COL10A1: variants seen among roughly 807,000 people sequenced by gnomAD.
COL10A1 encodes collagen alpha-1(X) chain.
Under a neutral mutation model 18.2 loss-of-function variants are expected in COL10A1, and 10 were observed. The observed-to-expected ratio is 0.55, with a 90% CI of 0.34 to 0.93. The LOEUF is 0.93. COL10A1 is among the 40% of genes least tolerant of loss of function. The pLI, the probability that COL10A1 is intolerant of heterozygous loss-of-function variation, is 0.02. For synonymous variants in COL10A1, 330 were observed against 316.6 expected (o/e 1.04, Z -0.45); for missense variants, 897 against 853.5 (o/e 1.05, Z -0.64).
chr6:116,137,794 C>T (rs1779649573), intron 1 of COL10A1, among the ~76,000 whole-genome samples: 1 of 152,118 alleles, frequency 6.6e-6, no homozygotes, highest in African/African-American at 2.4e-5. Context: ...AGAAAATGCC[C>T]AGCTTGGCCG....
At chr6:116,181,146 G>A in the COL10A1 span, among the ~76,000 whole-genome samples, 2 of 151,928 alleles carry the variant, frequency 1.3e-5, no homozygotes, top group Admixed American at 1.3e-4. Flanking sequence ...CGAGTGATGA[G>A]TATAGCAGTT....
the COL10A1 span, among the ~76,000 whole-genome samples, chr6:116,173,899 T>G: frequency 1.3e-5 from 2 of 152,172 alleles, no homozygotes; most frequent in Admixed American, 6.5e-5. Context: ...CTAATGTCCT[T>G]TTCCTGTCCC....
At chr6:116,186,611 T>A in the COL10A1 span, among the ~76,000 whole-genome samples, 1 of 152,080 alleles carries the variant, frequency 6.6e-6, no homozygotes, top group Non-Finnish European at 1.5e-5. Flanking sequence ...TGGATTGAGT[T>A]AATTTGAAAG....
chr6:116,175,840 C>T, the COL10A1 span, among the ~76,000 whole-genome samples: 1 of 152,154 alleles, frequency 6.6e-6, no homozygotes, highest in Non-Finnish European at 1.5e-5. Context: ...GATCCTTTAA[C>T]AGTTCAATCT....
chr6:116,130,041 G>T (rs1237075380), upstream of COL10A1, among the ~76,000 whole-genome samples: 1 of 152,084 alleles, frequency 6.6e-6, no homozygotes, highest in East Asian at 1.9e-4. Context: ...GGTGTTACTG[G>T]ACATTGGTAA....
At chr6:116,161,204 G>T (rs1421786610), upstream of COL10A1, among the ~76,000 whole-genome samples, 3 of 114,350 alleles carry the variant, frequency 2.6e-5, no homozygotes, top group Admixed American at 1.0e-4. Flanking sequence ...GGTGGGGGGA[G>T]GGGGGAGGGA....
At chr6:116,132,219 AC>A (rs964156912) in intron 1 of COL10A1, among the ~76,000 whole-genome samples, 29 of 152,128 alleles carry the variant, frequency 1.9e-4, no homozygotes, top group African/African-American at 6.3e-4. Flanking sequence ...CCTCAGCATC[AC>A]CAACAGGATA....
the COL10A1 span, among the ~76,000 whole-genome samples, chr6:116,173,651 G>A: frequency 2.6e-5 from 4 of 151,956 alleles, no homozygotes; most frequent in Non-Finnish European, 4.4e-5. Context: ...CTCTTTTCCT[G>A]CACATATTAT....
chr6:116,193,924 TGTG>T, the COL10A1 span, among the ~76,000 whole-genome samples: 1 of 151,860 alleles, frequency 6.6e-6, no homozygotes, highest in Non-Finnish European at 1.5e-5. Context: ...AGTAGTCAGA[TGTG>T]GTGGCATGTA....
At chr6:116,131,623 G>A (rs111953976) in intron 1 of COL10A1, among the ~76,000 whole-genome samples, 42 of 152,196 alleles carry the variant, frequency 2.8e-4, no homozygotes, top group African/African-American at 1.0e-3. Context: ...TTCAACCATT[G>A]CCCTATAGGT....
At chr6:116,180,470 G>A in the COL10A1 span, among the ~76,000 whole-genome samples, 1 of 151,998 alleles carries the variant, frequency 6.6e-6, no homozygotes, top group Non-Finnish European at 1.5e-5. Context: ...ATTAATGACT[G>A]CTAAAACTGC....
the COL10A1 span, among the ~76,000 whole-genome samples, chr6:116,209,946 C>T: frequency 7.2e-5 from 11 of 151,986 alleles, no homozygotes; most frequent in African/African-American, 2.4e-4. Context: ...TAGATTTAGA[C>T]ACATAAATGA....
intron 1 of COL10A1, among the ~76,000 whole-genome samples, chr6:116,149,290 A>G (rs1478452687): frequency 6.6e-6 from 1 of 152,206 alleles, no homozygotes; most frequent in African/African-American, 2.4e-5. Flanking sequence ...GCTTAAGTAT[A>G]TGTTTTCATC....
the COL10A1 span, among the ~76,000 whole-genome samples, chr6:116,177,208 ATTAAG>A: frequency 1.3e-5 from 2 of 152,200 alleles, no homozygotes; most frequent in Non-Finnish European, 2.9e-5. Context: ...AATACAAATA[ATTAAG>A]TTTAGTCTCA....
At chr6:116,149,348 T>A (rs1779976061) in intron 1 of COL10A1, among the ~76,000 whole-genome samples, 1 of 152,228 alleles carries the variant, frequency 6.6e-6, no homozygotes, top group Non-Finnish European at 1.5e-5. Context: ...TACTAACTTA[T>A]TCTTCCAGTA....
chr6:116,158,471 A>C (rs1428881018), intron 1 of COL10A1: 1 of 152,214 alleles, frequency 6.6e-6, no homozygotes, highest in Non-Finnish European at 1.5e-5. Context: ...GAGACACAGA[A>C]GGAAGTATCA....
At chr6:116,134,583 G>A (rs1386459083) in intron 1 of COL10A1, among the ~76,000 whole-genome samples, 1 of 152,182 alleles carries the variant, frequency 6.6e-6, no homozygotes, top group Non-Finnish European at 1.5e-5. Flanking sequence ...TTTGCCTCAT[G>A]CTTGTGGATG....
At chr6:116,154,151 G>A (rs1177136820) in intron 1 of COL10A1, among the ~76,000 whole-genome samples, 2 of 151,230 alleles carry the variant, frequency 1.3e-5, no homozygotes, top group East Asian at 3.9e-4. Flanking sequence ...TTCCCCCTCA[G>A]AATAGCAATA....
intron 1 of COL10A1, among the ~76,000 whole-genome samples, chr6:116,154,028 T>TC (rs1780119124): frequency 6.8e-6 from 1 of 146,948 alleles, no homozygotes; most frequent in Non-Finnish European, 1.5e-5. Context: ...AGGGAAGATT[T>TC]CTTTTTTTTT....
Sources: gnomAD v4.1 joint callset for allele counts (sites outside exome capture counted in the v4.1 genomes callset) on GRCh38, gnomAD v4.1.1 for gene constraint, MANE v1.5 for transcripts, NCBI Gene and HGNC (gene_info 2026-07-23, HGNC 2026-07-21) for gene names.